Variants in KCNJ3 observed in about 807,000 individuals in gnomAD.
The protein encoded by KCNJ3 is potassium inwardly rectifying channel subfamily J member 3, also known as G protein-activated inward rectifier potassium channel 1.
In KCNJ3, 4 loss-of-function variants were observed where a neutral mutation model predicts 39.2. The ratio of observed to expected loss-of-function variants is 0.10; its 90% CI spans 0.05 to 0.23. The LOEUF (loss-of-function observed/expected upper bound fraction) is 0.23. Ranked by LOEUF, KCNJ3 falls within the 10% of genes least tolerant of loss-of-function variation. KCNJ3 has a pLI of 1.00. For synonymous variants in KCNJ3, 230 were observed against 237.4 expected (o/e 0.97, Z 0.29); for missense variants, 276 against 634.9 (o/e 0.43, Z 6.08).
intron 2 of KCNJ3, among the ~76,000 whole-genome samples, chr2:154,756,656 A>C (rs1201522090): frequency 4.4e-5 from 6 of 136,592 alleles, no homozygotes; most frequent in Non-Finnish European, 3.1e-5. Context: ...GAAATACCTA[A>C]TGCAGACGAC....
intron 2 of KCNJ3, among the ~76,000 whole-genome samples, chr2:154,717,730 GA>G (rs1403084047): frequency 1.3e-5 from 2 of 152,152 alleles, no homozygotes; most frequent in Non-Finnish European, 2.9e-5. Context: ...ATTTTCTAAT[GA>G]ATATATCATA....
At chr2:154,805,125 T>A (rs1686887332) in intron 2 of KCNJ3, among the ~76,000 whole-genome samples, 1 of 152,148 alleles carries the variant, frequency 6.6e-6, no homozygotes, top group East Asian at 1.9e-4. Context: ...AAAGTTGCAA[T>A]CTATAAGTTT....
At chr2:154,751,313 T>A (rs1685841639) in intron 2 of KCNJ3, among the ~76,000 whole-genome samples, 1 of 152,094 alleles carries the variant, frequency 6.6e-6, no homozygotes, top group African/African-American at 2.4e-5. Context: ...TTTAGCTATA[T>A]CTCATAAATT....
intron 2 of KCNJ3, among the ~76,000 whole-genome samples, chr2:154,775,313 G>A (rs769350263): frequency 2.0e-5 from 3 of 152,120 alleles, no homozygotes; most frequent in Admixed American, 6.5e-5. Flanking sequence ...CATGTTTTCA[G>A]TTGGGTAGAA....
intron 2 of KCNJ3, among the ~76,000 whole-genome samples, chr2:154,741,706 T>A (rs544404114): frequency 6.6e-6 from 1 of 151,982 alleles, no homozygotes; most frequent in South Asian, 2.1e-4. Context: ...ACATGTGAGT[T>A]TAGTTCCCCT....
intron 2 of KCNJ3, among the ~76,000 whole-genome samples, chr2:154,733,944 C>G (rs183729959): frequency 1.3e-5 from 2 of 152,174 alleles, no homozygotes; most frequent in African/African-American, 4.8e-5. Flanking sequence ...ATATAGACCT[C>G]AGGAGCATCC....
At chr2:154,757,657 A>G (rs1214473957) in intron 2 of KCNJ3, among the ~76,000 whole-genome samples, 1 of 152,210 alleles carries the variant, frequency 6.6e-6, no homozygotes, top group Non-Finnish European at 1.5e-5. Context: ...CTATAACAAA[A>G]TACTTTAGGC....
chr2:154,740,837 T>A (rs2105174715), intron 2 of KCNJ3, among the ~76,000 whole-genome samples: 1 of 152,116 alleles, frequency 6.6e-6, no homozygotes, highest in South Asian at 2.1e-4. Context: ...CAGTTCTAGC[T>A]CTGTACCTGA....
intron 2 of KCNJ3, among the ~76,000 whole-genome samples, chr2:154,760,577 G>A (rs1357038494): frequency 3.3e-5 from 5 of 151,070 alleles, no homozygotes; most frequent in Non-Finnish European, 4.4e-5. Flanking sequence ...CTTTCTTGAC[G>A]GAATCTCATT....
intron 2 of KCNJ3, among the ~76,000 whole-genome samples, chr2:154,736,045 C>T (rs1685523589): frequency 6.6e-6 from 1 of 152,034 alleles, no homozygotes; most frequent in African/African-American, 2.4e-5. Flanking sequence ...CTATTAAATT[C>T]CTAGGCCAGC....
intron 2 of KCNJ3, among the ~76,000 whole-genome samples, chr2:154,825,823 C>T (rs1036623727): frequency 2.7e-5 from 4 of 146,456 alleles, no homozygotes; most frequent in Non-Finnish European, 4.6e-5. Flanking sequence ...CGGTGATCCT[C>T]CCACCTCGGC....
At chr2:154,721,379 G>C (rs534221709) in intron 2 of KCNJ3, among the ~76,000 whole-genome samples, 19 of 152,210 alleles carry the variant, frequency 1.2e-4, no homozygotes, top group African/African-American at 4.6e-4. Flanking sequence ...AATTTGTCTT[G>C]TCTGCTAAAT....
chr2:154,806,632 G>GA (rs1193775295), intron 2 of KCNJ3, among the ~76,000 whole-genome samples: 1 of 151,904 alleles, frequency 6.6e-6, no homozygotes, highest in Non-Finnish European at 1.5e-5. Flanking sequence ...TGCCTCTCCC[G>GA]AAAAAAACAC....
chr2:154,847,351 T>A (rs987590731), intron 2 of KCNJ3, among the ~76,000 whole-genome samples: 2 of 152,176 alleles, frequency 1.3e-5, no homozygotes, highest in Non-Finnish European at 2.9e-5. Flanking sequence ...AGTTAATATA[T>A]CTTGGAAGAT....
chr2:154,840,552 T>C (rs1687557467), intron 2 of KCNJ3, among the ~76,000 whole-genome samples: 1 of 152,224 alleles, frequency 6.6e-6, no homozygotes, highest in Admixed American at 6.5e-5. Context: ...ACAATATTGA[T>C]TCTTCCAATC....
intron 2 of KCNJ3, among the ~76,000 whole-genome samples, chr2:154,778,470 A>G (rs1445657): frequency 0.87 from 132,869 of 152,102 alleles, 58,153 homozygotes; most frequent in East Asian, 1. Flanking sequence ...AAAATCCCTA[A>G]GACAGGAAGT....
chr2:154,806,565 C>G (rs1052945222), intron 2 of KCNJ3, among the ~76,000 whole-genome samples: 1 of 152,118 alleles, frequency 6.6e-6, no homozygotes, highest in Admixed American at 6.6e-5. Flanking sequence ...GACAAATAAG[C>G]CTTGAAGTCT....
intron 2 of KCNJ3, among the ~76,000 whole-genome samples, chr2:154,782,164 T>C (rs1439847566): frequency 6.6e-6 from 1 of 152,172 alleles, no homozygotes; most frequent in Non-Finnish European, 1.5e-5. Flanking sequence ...AAAGAAACAT[T>C]GTAATGCGTC....
chr2:154,815,158 C>G (rs896779794), intron 2 of KCNJ3, among the ~76,000 whole-genome samples: 5 of 152,136 alleles, frequency 3.3e-5, no homozygotes, highest in African/African-American at 9.7e-5. Flanking sequence ...TCCTTTAAAG[C>G]CATATCTCTA....
Sources: allele counts gnomAD v4.1 joint callset (sites outside exome capture counted in the v4.1 genomes callset), GRCh38; gene constraint gnomAD v4.1.1; transcripts MANE v1.5; gene names NCBI Gene and HGNC (gene_info 2026-07-23, HGNC 2026-07-21).